PTPRD: variants seen among roughly 807,000 people sequenced by gnomAD.
PTPRD encodes the protein protein tyrosine phosphatase receptor type D.
PTPRD carries 34 observed loss-of-function variants against 214.5 expected under a neutral mutation model. The ratio of observed to expected loss-of-function variants is 0.16; its 90% CI spans 0.12 to 0.21. The LOEUF is 0.21. PTPRD is among the 10% of genes least tolerant of loss of function. The pLI is 1.00. For missense variants in PTPRD, 2,545 were observed against 2,398.7 expected (o/e 1.06, Z -1.27); for synonymous variants, 1,128 against 845.7 (o/e 1.33, Z -5.79).
intron 2 of PTPRD, among the ~76,000 whole-genome samples, chr9:10,358,974 C>A (rs1357599822): frequency 6.6e-6 from 1 of 151,916 alleles, no homozygotes; most frequent in Non-Finnish European, 1.5e-5. Context: ...GAATTCACAT[C>A]TTTGTTTTAA....
At chr9:9,779,762 T>G (rs1405288721) in intron 5 of PTPRD, among the ~76,000 whole-genome samples, 2 of 152,066 alleles carry the variant, frequency 1.3e-5, no homozygotes, top group African/African-American at 4.8e-5. Flanking sequence ...ACCAACAAGG[T>G]TTAAGTGTTC....
At chr9:8,784,142 T>G (rs535361991) in intron 11 of PTPRD, among the ~76,000 whole-genome samples, 1 of 152,284 alleles carries the variant, frequency 6.6e-6, no homozygotes, top group African/African-American at 2.4e-5. Flanking sequence ...AGCCAAACGG[T>G]GTTGTGCTCC....
At chr9:10,558,421 G>A (rs896017088) in intron 2 of PTPRD, among the ~76,000 whole-genome samples, 2 of 152,062 alleles carry the variant, frequency 1.3e-5, no homozygotes, top group African/African-American at 2.4e-5. Context: ...AATCCCTAGT[G>A]TTTAGCAAAT....
chr9:8,967,769 T>A (rs554038251), intron 11 of PTPRD, among the ~76,000 whole-genome samples: 2 of 152,136 alleles, frequency 1.3e-5, no homozygotes, highest in Admixed American at 6.5e-5. Context: ...GCACTTTTTT[T>A]AAATTAAAGT....
chr9:8,933,741 G>A lies in PTPRD; in HGVS notation c.-104+84956C>T, dbSNP rs4742551. On this transcript the variant is annotated intron_variant, in intron 11 of 45. Transcript: ENST00000381196. ...CTATTTTGGGGTTCAAATGACATCAGAAAATTCCAGAGGGGTATGGAGGGA... is the reference window on the plus strand; with the variant it reads ...CTATTTTGGGGTTCAAATGACATCAAAAAATTCCAGAGGGGTATGGAGGGA... Among the ~76,000 whole-genome samples the A allele has an allele frequency of 3.3e-5, 5 of 152,062 alleles. 1 individual carries two copies. The highest frequency in any genetic ancestry group is 1.2e-4 in the African/African-American group (5 of 41,398).
intron 36 of PTPRD, among the ~76,000 whole-genome samples, chr9:8,401,464 T>A (rs1227642822): frequency 6.6e-6 from 1 of 152,210 alleles, no homozygotes. Context: ...TGTCAAAAAT[T>A]CAATTCTGTT....
intron 7 of PTPRD, among the ~76,000 whole-genome samples, chr9:9,679,123 A>G (rs986742376): frequency 2.1e-4 from 28 of 132,190 alleles, no homozygotes; most frequent in African/African-American, 6.6e-4. Flanking sequence ...AAAAGGGGGA[A>G]AAAAAAAAAA....
intron 3 of PTPRD, among the ~76,000 whole-genome samples, chr9:10,111,229 C>CCTTT (rs2098688430): frequency 1.4e-5 from 1 of 72,150 alleles, no homozygotes; most frequent in African/African-American, 5.7e-5. Flanking sequence ...AGTTTAGTTT[C>CCTTT]TTTTTTTTTT....
At chr9:9,710,219 CCTTTTTTT>C (rs2097699568) in intron 7 of PTPRD, among the ~76,000 whole-genome samples, 1 of 152,032 alleles carries the variant, frequency 6.6e-6, no homozygotes, top group African/African-American at 2.4e-5. Flanking sequence ...ACTCCATTTT[CCTTTTTTT>C]CTTTATAGAA....
At chr9:9,550,456 TAC>T (rs1364589295) in intron 8 of PTPRD, among the ~76,000 whole-genome samples, 2 of 148,238 alleles carry the variant, frequency 1.3e-5, no homozygotes, top group Non-Finnish European at 3.0e-5. Flanking sequence ...TATAGTATTA[TAC>T]GTAGTATATT....
intron 2 of PTPRD, among the ~76,000 whole-genome samples, chr9:10,482,241 G>A (rs901808595): frequency 6.6e-5 from 10 of 151,650 alleles, no homozygotes; most frequent in Admixed American, 2.6e-4. Flanking sequence ...CGTGGTGGCG[G>A]GTGCCTGTAG....
chr9:9,840,934 T>C (rs2058177291), intron 5 of PTPRD, among the ~76,000 whole-genome samples: 1 of 152,034 alleles, frequency 6.6e-6, no homozygotes, highest in Non-Finnish European at 1.5e-5. Flanking sequence ...GTACTGTTCT[T>C]AAATAGAGAT....
chr9:9,225,071 G>T (rs1190128327), intron 9 of PTPRD, among the ~76,000 whole-genome samples: 1 of 151,948 alleles, frequency 6.6e-6, no homozygotes, highest in Non-Finnish European at 1.5e-5. Context: ...AATTGTTCCT[G>T]TTTTGTCTTT....
chr9:9,840,764 A>ATGGCACCACTGCACTCCAGCCTGGCG, intron 5 of PTPRD, among the ~76,000 whole-genome samples: 1 of 8,730 alleles, frequency 1.1e-4, no homozygotes, highest in East Asian at 0.014. Flanking sequence ...TCCGTTTCAA[A>ATGGCACCACTGCACTCCAGCCTGGCG]AAAAAAAAAA....
chr9:9,033,102 G>C (rs2099610802), intron 10 of PTPRD, among the ~76,000 whole-genome samples: 1 of 152,098 alleles, frequency 6.6e-6, no homozygotes, highest in Admixed American at 6.6e-5. Context: ...ATGGGCAGCT[G>C]TACTCTTTCC....
At chr9:9,141,688 G>C (rs987454288) in intron 10 of PTPRD, among the ~76,000 whole-genome samples, 1 of 150,110 alleles carries the variant, frequency 6.7e-6, no homozygotes, top group African/African-American at 2.4e-5. Context: ...TATAAATATA[G>C]ATTTATATAT....
At chr9:8,469,347 T>C (rs1304000600) in intron 31 of PTPRD, among the ~76,000 whole-genome samples, 1 of 152,104 alleles carries the variant, frequency 6.6e-6, no homozygotes, top group Non-Finnish European at 1.5e-5. Flanking sequence ...GTTAAAACTA[T>C]TTGATGTCAT....
chr9:9,322,525 T>C (rs1391245321), intron 9 of PTPRD, among the ~76,000 whole-genome samples: 13 of 152,192 alleles, frequency 8.5e-5, no homozygotes, highest in Admixed American at 7.9e-4. Context: ...TATACCTAGG[T>C]TTATGTAATA....
At chr9:9,374,370 C>G (rs1196480513) in intron 9 of PTPRD, among the ~76,000 whole-genome samples, 1 of 151,800 alleles carries the variant, frequency 6.6e-6, no homozygotes, top group Non-Finnish European at 1.5e-5. Context: ...AAAGTCAAAA[C>G]AAAATTATAT....
Sources: allele counts gnomAD v4.1 joint callset (sites outside exome capture counted in the v4.1 genomes callset), GRCh38; gene constraint gnomAD v4.1.1; transcripts MANE v1.5; gene names NCBI Gene and HGNC (gene_info 2026-07-23, HGNC 2026-07-21).